C1QTNF3: variants seen among roughly 807,000 people sequenced by gnomAD.
The protein encoded by C1QTNF3 is complement C1q tumor necrosis factor-related protein 3.
In C1QTNF3, 26 loss-of-function variants were observed where a neutral mutation model predicts 32.6. The ratio of observed to expected loss-of-function variants is 0.80; its 90% CI spans 0.58 to 1.11. C1QTNF3 has a LOEUF of 1.11. Among genes scored for constraint, C1QTNF3 ranks in the 50% least tolerant of loss-of-function variants. The pLI is 0.00. For missense variants in C1QTNF3, 362 were observed against 398.2 expected, an observed-to-expected ratio of 0.91 and a Z score of 0.77; for synonymous variants, 155 against 146.0, an observed-to-expected ratio of 1.06 and a Z score of -0.44.
chr5:34,212,235 C>A, the C1QTNF3 span, among the ~76,000 whole-genome samples: 1 of 151,724 alleles, frequency 6.6e-6, no homozygotes, highest in Admixed American at 6.6e-5. Context: ...CTTCCTTACA[C>A]CTTATACAAA....
intron 5 of C1QTNF3, among the ~76,000 whole-genome samples, chr5:34,023,398 C>T (rs909764923): frequency 1.3e-5 from 2 of 152,226 alleles, no homozygotes; most frequent in African/African-American, 4.8e-5. Flanking sequence ...ATTTCAAATA[C>T]ATCTTCCCAC....
the C1QTNF3 span, among the ~76,000 whole-genome samples, chr5:34,060,349 G>A: frequency 6.6e-6 from 1 of 152,154 alleles, no homozygotes; most frequent in Admixed American, 6.5e-5. Flanking sequence ...ATAGCCTATT[G>A]CTTCTAGGCT....
the C1QTNF3 span, among the ~76,000 whole-genome samples, chr5:34,049,736 G>T: frequency 6.6e-6 from 1 of 152,228 alleles, no homozygotes; most frequent in Non-Finnish European, 1.5e-5. Context: ...AGGCCAGTAG[G>T]CTGGAAATTC....
chr5:34,040,190 T>A (rs976685345), intron 1 of C1QTNF3, among the ~76,000 whole-genome samples: 15 of 152,200 alleles, frequency 9.9e-5, no homozygotes, highest in Admixed American at 2.6e-4. Flanking sequence ...ACCTCCTTGT[T>A]TATCATCCCC....
chr5:34,084,080 T>A, the C1QTNF3 span, among the ~76,000 whole-genome samples: 1 of 151,818 alleles, frequency 6.6e-6, no homozygotes, highest in Admixed American at 6.6e-5. Flanking sequence ...TAAGACTGTT[T>A]ATTACAGTCC....
the C1QTNF3 span, among the ~76,000 whole-genome samples, chr5:34,108,070 G>A: frequency 1.3e-5 from 2 of 152,162 alleles, no homozygotes; most frequent in African/African-American, 2.4e-5. Context: ...GGAGTTTTAT[G>A]AGCCCCCCCT....
In C1QTNF3 at chr5:34,033,366, C is replaced by T. The variant is rs1412340540; in HGVS notation, c.508G>A (p.Glu170Lys). 1 of 1,613,760 alleles carries T rather than the reference C, an allele frequency of 6.2e-7. No individual in the cohort carries two copies. Among genetic ancestry groups the T allele is most frequent in the African/African-American group, 1.3e-5 (1 of 74,874 alleles). The change falls in exon 3 of 6, where the codon GAG becomes AAG. Residue 170 changes from glutamate to lysine, a missense_variant. Glu to Lys is a moderately conservative substitution (Grantham distance 56, BLOSUM62 1). Coordinates refer to ENST00000382065, the MANE Select transcript of C1QTNF3 (RefSeq NM_181435.6). ...GDKGDLGPRG[E>K]RGQHGPKGEK... Reference sequence around the variant, plus strand: ...CCTTTGGGGCCATGCTGCCCCCGCTCCCCTCGAGGCCCCAGGTCACCTTTG... The same window carrying T: ...CCTTTGGGGCCATGCTGCCCCCGCTTCCCTCGAGGCCCCAGGTCACCTTTG...
At chr5:34,222,088 T>A in the C1QTNF3 span, among the ~76,000 whole-genome samples, 1 of 152,050 alleles carries the variant, frequency 6.6e-6, no homozygotes, top group East Asian at 1.9e-4. Flanking sequence ...GTATTATCTA[T>A]CTTTTGGCAA....
chr5:34,212,549 A>G, the C1QTNF3 span, among the ~76,000 whole-genome samples: 1 of 151,984 alleles, frequency 6.6e-6, no homozygotes, highest in Non-Finnish European at 1.5e-5. Flanking sequence ...AACTCAAACA[A>G]ATTTACAAGA....
At chr5:34,187,526 G>A in the C1QTNF3 span, among the ~76,000 whole-genome samples, 9 of 146,022 alleles carry the variant, frequency 6.2e-5, no homozygotes, top group Admixed American at 1.4e-4. Context: ...AGGCGGAGGT[G>A]GTCTCAGAGG....
chr5:34,116,758 C>G, the C1QTNF3 span, among the ~76,000 whole-genome samples: 1 of 151,832 alleles, frequency 6.6e-6, no homozygotes, highest in Non-Finnish European at 1.5e-5. Context: ...CCACGCCCAG[C>G]TAATTTTTTG....
the C1QTNF3 span, among the ~76,000 whole-genome samples, chr5:34,083,511 A>T: frequency 1.2e-4 from 2 of 17,346 alleles, no homozygotes; most frequent in African/African-American, 7.7e-4. Flanking sequence ...TGAATTTGTA[A>T]AAAAAAAAAA....
At chr5:34,130,148 C>CACACAT in the C1QTNF3 span, among the ~76,000 whole-genome samples, 14 of 151,830 alleles carry the variant, frequency 9.2e-5, no homozygotes, top group African/African-American at 3.1e-4. Context: ...CACACACACA[C>CACACAT]ACATACATAC....
At chr5:34,081,238 A>C in the C1QTNF3 span, among the ~76,000 whole-genome samples, 1 of 151,752 alleles carries the variant, frequency 6.6e-6, no homozygotes, top group South Asian at 2.1e-4. Context: ...AAAAAAATGA[A>C]CTTCCAATAA....
chr5:34,055,938 C>T, the C1QTNF3 span, among the ~76,000 whole-genome samples: 9 of 152,302 alleles, frequency 5.9e-5, no homozygotes, highest in Admixed American at 5.9e-4. Flanking sequence ...ACACTCACCC[C>T]GTCAAAATCT....
the C1QTNF3 span, among the ~76,000 whole-genome samples, chr5:34,177,242 C>G: frequency 6.6e-6 from 1 of 152,130 alleles, no homozygotes; most frequent in African/African-American, 2.4e-5. Context: ...AGTCATATAT[C>G]AAGACCTCAA....
the C1QTNF3 span, among the ~76,000 whole-genome samples, chr5:34,156,391 C>G: frequency 2.6e-4 from 39 of 152,218 alleles, no homozygotes; most frequent in Admixed American, 4.6e-4. Context: ...ATATAACAGT[C>G]TTTCATAAAA....
intron 5 of C1QTNF3, among the ~76,000 whole-genome samples, chr5:34,023,066 A>G (rs1235433619): frequency 6.6e-6 from 1 of 152,126 alleles, no homozygotes; most frequent in Non-Finnish European, 1.5e-5. Flanking sequence ...CGTGTTAGCC[A>G]GGATGGTCTC....
intron 3 of C1QTNF3, among the ~76,000 whole-genome samples, chr5:34,031,384 C>T (rs201954959): frequency 1.2e-4 from 19 of 152,268 alleles, no homozygotes; most frequent in African/African-American, 2.9e-4. Flanking sequence ...GCCCCTTCTC[C>T]GTGGTTTACC....
Sources: allele counts gnomAD v4.1 joint callset (sites outside exome capture counted in the v4.1 genomes callset), GRCh38; gene constraint gnomAD v4.1.1; transcripts MANE v1.5; gene names NCBI Gene and HGNC (gene_info 2026-07-23, HGNC 2026-07-21).